ZNF362: variants seen among roughly 807,000 people sequenced by gnomAD.
ZNF362 encodes zinc finger protein 362.
A neutral mutation model predicts 42.9 loss-of-function variants in ZNF362; 11 were observed. That is an observed-to-expected ratio of 0.26 (90% CI 0.16 to 0.42). The LOEUF is 0.42. Among genes scored for constraint, ZNF362 ranks in the 20% least tolerant of loss-of-function variants. ZNF362 has a pLI of 1.00. For synonymous variants in ZNF362, 255 were observed against 257.3 expected, an observed-to-expected ratio of 0.99 and a Z score of 0.09; for missense variants, 362 against 576.2, an observed-to-expected ratio of 0.63 and a Z score of 3.81.
At chr1:33,136,699 T>G in the ZNF362 span, among the ~76,000 whole-genome samples, 2 of 150,656 alleles carry the variant, frequency 1.3e-5, no homozygotes, top group Non-Finnish European at 3.0e-5. Context: ...CCCCAACAAC[T>G]GTCTATGAAA....
chr1:33,221,361 A>G, the ZNF362 span, among the ~76,000 whole-genome samples: 1 of 152,206 alleles, frequency 6.6e-6, no homozygotes, highest in Non-Finnish European at 1.5e-5. Flanking sequence ...GCCCAAGGAA[A>G]CTGCACAGTG....
the ZNF362 span, among the ~76,000 whole-genome samples, chr1:33,202,918 G>A: frequency 6.6e-6 from 1 of 151,812 alleles, no homozygotes; most frequent in East Asian, 1.9e-4. Context: ...CATACATTTG[G>A]CGAAGTTGTT....
chr1:33,257,562 TGG>T (rs905571398), intron 1 of ZNF362, among the ~76,000 whole-genome samples: 2 of 141,286 alleles, frequency 1.4e-5, no homozygotes, highest in Non-Finnish European at 3.1e-5. Flanking sequence ...GGGATGGGGG[TGG>T]GGGGGCGGAT....
chr1:33,282,623 A>G (rs529819003), intron 6 of ZNF362, among the ~76,000 whole-genome samples: 2 of 152,232 alleles, frequency 1.3e-5, no homozygotes, highest in Admixed American at 1.3e-4. Flanking sequence ...GGAGTTCATG[A>G]CCAGCCTGGC....
At chr1:33,227,968 C>G in the ZNF362 span, among the ~76,000 whole-genome samples, 1 of 152,264 alleles carries the variant, frequency 6.6e-6, no homozygotes, top group Non-Finnish European at 1.5e-5. Flanking sequence ...TGCATTGACA[C>G]CTGTTTGCCC....
the ZNF362 span, among the ~76,000 whole-genome samples, chr1:33,228,004 A>G: frequency 6.6e-6 from 1 of 152,180 alleles, no homozygotes; most frequent in Admixed American, 6.5e-5. Context: ...AAAAGGGCTC[A>G]GGTTTATGGA....
the ZNF362 span, among the ~76,000 whole-genome samples, chr1:33,129,962 C>T: frequency 6.6e-4 from 100 of 152,204 alleles, no homozygotes; most frequent in African/African-American, 2.3e-3. The surrounding 1 kb of genome is among the most constrained non-coding windows in gnomAD (Gnocchi z 4.1). Context: ...CGGGTTCAAG[C>T]GATTCTCCTG....
At chr1:33,251,091 G>A in the ZNF362 span, among the ~76,000 whole-genome samples, 1 of 152,188 alleles carries the variant, frequency 6.6e-6, no homozygotes, top group African/African-American at 2.4e-5. Flanking sequence ...AGGCAAGGAG[G>A]AGCTTGCCAC....
chr1:33,165,595 G>T, the ZNF362 span: 1 of 1,572,942 alleles, frequency 6.4e-7, no homozygotes, highest in Non-Finnish European at 8.7e-7. The surrounding 1 kb of genome is among the most constrained non-coding windows in gnomAD (Gnocchi z 4.0). Flanking sequence ...CGGGATGGGG[G>T]CAGGGGCCAT....
chr1:33,277,757 G>C (rs193130563), intron 4 of ZNF362, among the ~76,000 whole-genome samples: 5 of 152,204 alleles, frequency 3.3e-5, no homozygotes, highest in African/African-American at 1.2e-4. Context: ...TGGAATCCCC[G>C]GAGAAAGAAC....
At chr1:33,201,757 A>T in the ZNF362 span, among the ~76,000 whole-genome samples, 1 of 152,208 alleles carries the variant, frequency 6.6e-6, no homozygotes, top group Non-Finnish European at 1.5e-5. Context: ...GAAATAAATG[A>T]TAAAGATGAA....
the ZNF362 span, among the ~76,000 whole-genome samples, chr1:33,175,181 G>C: frequency 1.1e-4 from 17 of 151,370 alleles, no homozygotes; most frequent in Admixed American, 2.0e-4. Context: ...TGGGATTATA[G>C]GTGTGTGCCA....
chr1:33,276,560 G>A lies in ZNF362; in HGVS notation c.315G>A (p.Ala105=), dbSNP rs1281478181. The A allele has an allele frequency of 6.4e-6, 9 of 1,417,246 alleles. No homozygotes were observed. Among genetic ancestry groups the A allele is most frequent in the African/African-American group, 1.5e-5 (1 of 66,696 alleles). 87.8% of individuals were successfully genotyped at this position (1,417,246 alleles called of 1,614,324 possible). A position where few individuals can be genotyped will look rare whatever the true frequency, so the allele number is the denominator to read the frequency against. The change falls in exon 4 of 9, where the codon GCG becomes GCA. Residue 105 remains alanine (A), a synonymous_variant. Transcript: ENST00000539719. ...AGGCGGTGCCGCAGCCCGACGTGGC[G>A]CTGCACGCACGGCCGGCCACCAGCA... ...HPQAVPQPDV[A]LHARPATSTV...
At chr1:33,234,834 A>T in the ZNF362 span, among the ~76,000 whole-genome samples, 5 of 152,090 alleles carry the variant, frequency 3.3e-5, no homozygotes, top group Middle Eastern at 3.4e-3. Context: ...AGGAAGTGGG[A>T]CCCCTCTGCT....
the ZNF362 span, among the ~76,000 whole-genome samples, chr1:33,167,187 G>T: frequency 6.6e-6 from 1 of 152,090 alleles, no homozygotes; most frequent in East Asian, 1.9e-4. This position sits in a 1 kb window ranked among gnomAD's most constrained non-coding sequence, Gnocchi z 4.2. Flanking sequence ...TTGCCTGACC[G>T]CCCCACGCAC....
chr1:33,206,618 GA>G, the ZNF362 span, among the ~76,000 whole-genome samples: 6 of 151,804 alleles, frequency 4.0e-5, no homozygotes, highest in South Asian at 1.2e-3. Context: ...TGTAAAAAGA[GA>G]AAAAAATACT....
At chr1:33,234,114 A>G in the ZNF362 span, among the ~76,000 whole-genome samples, 37 of 152,302 alleles carry the variant, frequency 2.4e-4, no homozygotes, top group East Asian at 7.1e-3. Context: ...TGAATGGGGC[A>G]GTGGAACTTG....
the ZNF362 span, among the ~76,000 whole-genome samples, chr1:33,168,839 G>A: frequency 6.6e-6 from 1 of 152,134 alleles, no homozygotes; most frequent in Non-Finnish European, 1.5e-5. Flanking sequence ...TCTCCCCCTG[G>A]TGGCCCCCAT....
At chr1:33,225,909 C>T in the ZNF362 span, among the ~76,000 whole-genome samples, 4 of 152,154 alleles carry the variant, frequency 2.6e-5, no homozygotes, top group African/African-American at 9.7e-5. Flanking sequence ...GTCTAAGACA[C>T]CCATTTACTG....
Sources: allele counts gnomAD v4.1 joint callset (sites outside exome capture counted in the v4.1 genomes callset), GRCh38; gene constraint gnomAD v4.1.1; non-coding constraint Gnocchi (gnomAD v3.1); transcripts MANE v1.5; gene names NCBI Gene and HGNC (gene_info 2026-07-23, HGNC 2026-07-21).